CACNA2D3: variants seen among roughly 807,000 people sequenced by gnomAD.
CACNA2D3 encodes the protein calcium voltage-gated channel auxiliary subunit alpha2delta 3.
CACNA2D3 carries 60 observed loss-of-function variants against 160.6 expected under a neutral mutation model. The observed-to-expected ratio is 0.37, with a 90% CI of 0.30 to 0.46. The LOEUF (loss-of-function observed/expected upper bound fraction) is 0.46. Ranked by LOEUF, CACNA2D3 falls within the 20% of genes least tolerant of loss-of-function variation. The pLI, the probability that CACNA2D3 is intolerant of heterozygous loss-of-function variation, is 1.00. For missense variants in CACNA2D3, 1,205 were observed against 1,365.0 expected (o/e 0.88, Z 1.85); for synonymous variants, 558 against 492.9 (o/e 1.13, Z -1.75).
At chr3:54,763,592 A>AAC (rs891815810) in intron 12 of CACNA2D3, among the ~76,000 whole-genome samples, 4 of 148,596 alleles carry the variant, frequency 2.7e-5, no homozygotes, top group East Asian at 2.0e-4. Flanking sequence ...CCAGGGAATA[A>AAC]ACACACACAC....
chr3:54,826,108 G>C (rs1383536960), intron 14 of CACNA2D3, among the ~76,000 whole-genome samples: 1 of 152,106 alleles, frequency 6.6e-6, no homozygotes, highest in Non-Finnish European at 1.5e-5. Flanking sequence ...CTGCCTTTTG[G>C]TTTTTCTTAG....
At chr3:54,288,308 A>C (rs1703087283) in intron 2 of CACNA2D3, among the ~76,000 whole-genome samples, 1 of 152,214 alleles carries the variant, frequency 6.6e-6, no homozygotes, top group Admixed American at 6.5e-5. Flanking sequence ...TACGCAAATA[A>C]ACTAGAAAAT....
chr3:55,061,156 G>T (rs1375720979), intron 35 of CACNA2D3, among the ~76,000 whole-genome samples: 1 of 152,222 alleles, frequency 6.6e-6, no homozygotes, highest in Non-Finnish European at 1.5e-5. Flanking sequence ...GGCTTTTTGT[G>T]TGCTTTCTCC....
chr3:54,238,188 A>G (rs1701917426), intron 2 of CACNA2D3, among the ~76,000 whole-genome samples: 1 of 152,138 alleles, frequency 6.6e-6, no homozygotes. Flanking sequence ...TCTCCATATC[A>G]TTCTTCCTCA....
rs796392854 is a variant in CACNA2D3, at chr3:54,350,986, G to GTTTTT, written c.321+30444_321+30448dup. Among the ~76,000 whole-genome samples, 50 of 65,948 alleles carry GTTTTT rather than the reference G, an allele frequency of 7.6e-4. 1 individual carries two copies. The highest frequency in any genetic ancestry group is 1.0e-3 in the South Asian group (2 of 1,980). 43.3% of individuals were successfully genotyped at this position (65,948 alleles called of 152,430 possible). On this transcript the variant is annotated intron_variant, in intron 3 of 37. Coordinates refer to ENST00000474759, the MANE Select transcript of CACNA2D3 (RefSeq NM_018398.3). ...TGAGTCTGTTTTTTTTTTTTTGTTT[G>GTTTTT]TTTTTTTTTTTTTTTTTTTTGAGAC...
rs184372085 is a variant in CACNA2D3 at position 54,824,912 on chromosome 3, G to A, written c.1398+8042G>A. Among the ~76,000 whole-genome samples, 585 of 152,212 alleles carry A rather than the reference G, an allele frequency of 3.8e-3. 3 individuals carry two copies. The highest frequency in any genetic ancestry group is 6.4e-3 in the Non-Finnish European group (436 of 68,012). On this transcript the variant is annotated intron_variant, in intron 14 of 37. Coordinates refer to ENST00000474759, the MANE Select transcript of CACNA2D3 (RefSeq NM_018398.3). ...TTTTAAAAATAGGCAAAAAGAACTT[G>A]GTGTTTATTAAGTTGAAAACCAAAA...
intron 2 of CACNA2D3, among the ~76,000 whole-genome samples, chr3:54,134,400 G>T (rs982706535): frequency 3.9e-5 from 6 of 152,142 alleles, no homozygotes; most frequent in African/African-American, 1.2e-4. Context: ...CGATCTATGG[G>T]GTGGGCTTCA....
intron 13 of CACNA2D3, among the ~76,000 whole-genome samples, chr3:54,793,322 A>G (rs1702799533): frequency 1.3e-5 from 2 of 152,238 alleles, no homozygotes; most frequent in African/African-American, 4.8e-5. Context: ...TTATCCCTTT[A>G]CTTCCTGTGC....
rs530440106 is a variant in CACNA2D3, at chr3:54,946,559, G to A, written c.2450-21891G>A. ...TTAGAAACAGCCCTTCCAGTGGAAA[G>A]TTTGACTTAACGAAGAAGAGCAGGT... On this transcript the variant is annotated intron_variant, in intron 27 of 37. Coordinates refer to ENST00000474759, the MANE Select transcript of CACNA2D3 (RefSeq NM_018398.3). Among the ~76,000 whole-genome samples the A allele has an allele frequency of 3.9e-5, 6 of 152,274 alleles. No individual in the cohort carries two copies. The East Asian group carries it at 9.7e-4, about 25-fold the overall frequency.
chr3:54,220,695 C>A, intron 2 of CACNA2D3, among the ~76,000 whole-genome samples: 1 of 152,200 alleles, frequency 6.6e-6, no homozygotes, highest in South Asian at 2.1e-4. Flanking sequence ...GAAACCCTCC[C>A]TGGCTACTGA....
At chr3:54,387,136 A>C (rs567474216) in intron 4 of CACNA2D3, among the ~76,000 whole-genome samples, 7 of 152,348 alleles carry the variant, frequency 4.6e-5, no homozygotes, top group Admixed American at 3.3e-4. Context: ...TTGGAATGCA[A>C]GTGACTGAAA....
At chr3:54,527,927 T>C (rs987855471) in intron 5 of CACNA2D3, among the ~76,000 whole-genome samples, 3 of 152,222 alleles carry the variant, frequency 2.0e-5, no homozygotes, top group African/African-American at 7.2e-5. Flanking sequence ...CTATATGCCC[T>C]TAGGACCAAT....
intron 29 of CACNA2D3, among the ~76,000 whole-genome samples, chr3:54,978,418 T>C (rs1702436521): frequency 6.6e-6 from 1 of 152,196 alleles, no homozygotes. Context: ...GTCTCTTGCA[T>C]TCAGGGTAGA....
intron 11 of CACNA2D3, among the ~76,000 whole-genome samples, chr3:54,654,985 A>C (rs1699850434): frequency 6.6e-6 from 1 of 152,194 alleles, no homozygotes; most frequent in Non-Finnish European, 1.5e-5. Flanking sequence ...GACAAAGCAG[A>C]AACGTGGTTT....
chr3:54,768,303 C>T lies in CACNA2D3; in HGVS notation c.1380+3952C>T, dbSNP rs115472226. Among the ~76,000 whole-genome samples, 414 of 152,234 alleles carry T rather than the reference C, an allele frequency of 2.7e-3. 3 individuals are homozygous for T. Among genetic ancestry groups the T allele is most frequent in the African/African-American group, 9.5e-3 (394 of 41,524 alleles). ...TGAGAAGCAGATGGACATTGTGTGC[C>T]TGCAGAGAAAGACACATCACACTTA... On this transcript the variant is annotated intron_variant, in intron 13 of 37. Transcript: ENST00000474759.
chr3:54,656,548 G>A (rs1441746288), intron 11 of CACNA2D3, among the ~76,000 whole-genome samples: 1 of 152,168 alleles, frequency 6.6e-6, no homozygotes, highest in Non-Finnish European at 1.5e-5. Flanking sequence ...TGTAGGATAG[G>A]CCAAGAAGGG....
chr3:54,452,984 T>A lies in CACNA2D3; in HGVS notation c.382-50508T>A, dbSNP rs147035305. Among the ~76,000 whole-genome samples the A allele has an allele frequency of 1.3e-4, 20 of 151,982 alleles. No individual in the cohort carries two copies. In the East Asian group the frequency reaches 3.9e-3, roughly 29 times the overall value. ...TTCTTTCTTTCCCTCTCTTTTTCTT[T>A]CTCTCTCTCTTTCTCCTCTTTCTTT... On this transcript the variant is annotated intron_variant, in intron 4 of 37. Transcript: ENST00000474759.
intron 13 of CACNA2D3, among the ~76,000 whole-genome samples, chr3:54,805,020 C>T (rs559073686): frequency 3.0e-4 from 45 of 152,284 alleles, no homozygotes; most frequent in African/African-American, 1.0e-3. Flanking sequence ...AAAGACACAA[C>T]ATACCAGAAT....
intron 35 of CACNA2D3, among the ~76,000 whole-genome samples, chr3:55,040,572 C>G (rs952197961): frequency 6.7e-6 from 1 of 150,232 alleles, no homozygotes; most frequent in African/African-American, 2.4e-5. Context: ...GTAGTCCCAG[C>G]TACTCAGGAG....
Sources: gnomAD v4.1 joint callset for allele counts (sites outside exome capture counted in the v4.1 genomes callset) on GRCh38, gnomAD v4.1.1 for gene constraint, MANE v1.5 for transcripts, NCBI Gene and HGNC (gene_info 2026-07-23, HGNC 2026-07-21) for gene names.